RAMAC: variants seen among roughly 807,000 people sequenced by gnomAD.
The protein encoded by RAMAC is RNA guanine-7 methyltransferase activating subunit, also known as RNA guanine-N7 methyltransferase activating subunit.
A neutral mutation model predicts 17.9 loss-of-function variants in RAMAC; 11 were observed. The observed-to-expected ratio is 0.61, with a 90% confidence interval of 0.39 to 1.02. RAMAC has a LOEUF of 1.02. Ranked by LOEUF, RAMAC falls within the 50% of genes least tolerant of loss-of-function variation. RAMAC has a pLI of 0.01. For missense variants in RAMAC, 109 were observed against 144.0 expected (o/e 0.76, Z 1.25); for synonymous variants, 27 against 48.4 (o/e 0.56, Z 1.84).
intron 1 of RAMAC, 97 bp from the exon 2 acceptor site, chr15:82,987,239 C>T (rs770128803): frequency 6.6e-6 from 1 of 152,134 alleles, no homozygotes; most frequent in Non-Finnish European, 1.5e-5. Context: ...TACTCCAATT[C>T]TTTCCTTGAA....
In RAMAC at chr15:82,987,327, C is replaced by T. The variant is rs960618363; in HGVS notation, c.-58-9C>T. On this transcript the variant is annotated splice_polypyrimidine_tract_variant and intron_variant, in intron 1 of 3. Coordinates refer to ENST00000304191, the MANE Select transcript of RAMAC (RefSeq NM_031452.4). ...AAATAAAGTCAAGTTTGTTTTTTTC[C>T]TCCCACAGATTTAAACAACCTAAAC... 17 of 152,136 alleles carry T rather than the reference C, an allele frequency of 1.1e-4. No homozygotes were observed. The highest frequency in any genetic ancestry group is 1.1e-3 in the Admixed American group (17 of 15,274). The allele number at this position is 152,136 out of a possible 1,614,324, so 9.4% of individuals were successfully genotyped here. A position where few individuals can be genotyped will look rare whatever the true frequency, so the allele number is the denominator to read the frequency against.
At position 82,989,154 on chromosome 15, in the gene RAMAC, A is replaced by C. The variant is rs143249247; in HGVS notation, c.136A>C (p.Arg46=). ...SPPIVEEWNS[R]AGGNQRNRGN... Reference sequence around the variant, plus strand: ...TCCAATTGTTGAGGAATGGAATAGCAGAGCTGGTGGGAACCAAAGAAACAG... The same window carrying C: ...TCCAATTGTTGAGGAATGGAATAGCCGAGCTGGTGGGAACCAAAGAAACAG... The change falls in exon 3 of 4, where the codon AGA becomes CGA. Residue 46 remains arginine (R), a synonymous_variant. Coordinates refer to ENST00000304191, the MANE Select transcript of RAMAC (RefSeq NM_031452.4). 4 of 1,613,684 alleles carry C rather than the reference A, an allele frequency of 2.5e-6. No homozygotes were observed. The African/African-American group carries it at 4.0e-5, about 16-fold the overall frequency.
At position 82,990,790 on chromosome 15, in the gene RAMAC, A is replaced by C; in HGVS notation, c.*723A>C. ...AGCAGGTCAAAATTCACACATAAGA[A>C]AGTTTAACTCTGTACTGTTCACACT... is the stretch of plus-strand genomic sequence containing the variant. On this transcript the variant is annotated 3_prime_UTR_variant, in exon 4 of 4. Transcript: ENST00000304191. 1.4e-6 allele frequency: 1 copy of C among 700,902 alleles called. No homozygotes were observed. Among genetic ancestry groups the C allele is most frequent in the Non-Finnish European group, 2.5e-6 (1 of 401,180 alleles). 43.4% of individuals were successfully genotyped at this position (700,902 alleles called of 1,614,324 possible).
Position 82,990,807 on chromosome 15 carries a change from G to T in RAMAC, c.*740G>T. ...ACATAAGAAAGTTTAACTCTGTACT[G>T]TTCACACTTTTTAATCCTGTAAATA... On this transcript the variant is annotated 3_prime_UTR_variant, in exon 4 of 4. Transcript: ENST00000304191. 1.7e-6 allele frequency: 1 copy of T among 577,226 alleles called. No individual in the cohort carries two copies. The allele number at this position is 577,226 out of a possible 1,614,324, so 35.8% of individuals were successfully genotyped here.
chr15:82,988,890 C>G, intron 2 of RAMAC, 120 bp from the exon 3 acceptor site: 1 of 831,124 alleles, frequency 1.2e-6, no homozygotes. Flanking sequence ...TGTCTGAAAG[C>G]ACACAAAGAC....
intron 1 of RAMAC, among the ~76,000 whole-genome samples, chr15:82,986,797 T>G (rs553520501): frequency 1.3e-5 from 2 of 152,380 alleles, no homozygotes; most frequent in Admixed American, 6.5e-5. Context: ...ATACATACTT[T>G]ATGAAGTTTG....
Position 82,990,734 on chromosome 15 carries a change from T to C in RAMAC, c.*667T>C. 8.2e-7 allele frequency: 1 copy of C among 1,213,638 alleles called. No individual in the cohort carries two copies. Among genetic ancestry groups the C allele is most frequent in the Non-Finnish European group, 1.2e-6 (1 of 843,724 alleles). The allele number at this position is 1,213,638 out of a possible 1,614,324, so 75.2% of individuals were successfully genotyped here. A position where few individuals can be genotyped will look rare whatever the true frequency, so the allele number is the denominator to read the frequency against. ...TGGGATAAGGGTACACATCATTTTA[T>C]ACAAACACTAAAGCTTTTTGCTAAC... On this transcript the variant is annotated 3_prime_UTR_variant, in exon 4 of 4. Transcript: ENST00000304191.
chr15:82,987,511 G>A (rs2030666929), intron 2 of RAMAC, 127 bp downstream of exon 2: 1 of 152,178 alleles, frequency 6.6e-6, no homozygotes, highest in African/African-American at 2.4e-5. Flanking sequence ...TAAAAATGGA[G>A]TAGCACCTTT....
chr15:82,988,287 G>A (rs1006570751), intron 2 of RAMAC, among the ~76,000 whole-genome samples: 4 of 152,270 alleles, frequency 2.6e-5, no homozygotes, highest in African/African-American at 9.6e-5. Context: ...CTGAGATCGC[G>A]CCATTGCACT....
chr15:82,986,507 C>T (rs1363379967), intron 1 of RAMAC, 138 bp downstream of exon 1: 1 of 152,258 alleles, frequency 6.6e-6, no homozygotes, highest in Non-Finnish European at 1.5e-5. Flanking sequence ...CATAATTTCC[C>T]TCACTTCTGG....
rs760077888 is a variant in RAMAC, at chr15:82,989,133, A to G, written c.115A>G (p.Ile39Val). 1.6e-5 allele frequency: 26 copies of G among 1,613,880 alleles called. No homozygotes were observed. Among genetic ancestry groups the G allele is most frequent in the South Asian group, 1.3e-4 (12 of 91,060 alleles). Residue 39 changes from isoleucine to valine, a missense_variant, in exon 3 of 4, where the codon ATT becomes GTT. By Grantham distance (29) the Ile-to-Val change is conservative (BLOSUM62 3). Transcript: ENST00000304191. ...YLKRPPESPP[I>V]VEEWNSRAGG... ...GAAACGCCCTCCTGAGTCTCCTCCAATTGTTGAGGAATGGAATAGCAGAGC... is the reference window on the plus strand; with the variant it reads ...GAAACGCCCTCCTGAGTCTCCTCCAGTTGTTGAGGAATGGAATAGCAGAGC...
At chr15:82,986,974 C>G (rs28451607) in intron 1 of RAMAC, among the ~76,000 whole-genome samples, 32,461 of 151,800 alleles carry the variant, frequency 0.21, 3,903 homozygotes, top group East Asian at 0.57. Flanking sequence ...CGCTCTGTCG[C>G]CCAGGCTGGA....
Position 82,986,235 on chromosome 15 carries a change from G to T in RAMAC, c.-193G>T. 2 of 365,288 alleles carry T rather than the reference G, an allele frequency of 5.5e-6. No individual in the cohort carries two copies. Among genetic ancestry groups the T allele is most frequent in the Non-Finnish European group, 7.6e-6 (2 of 263,106 alleles). The allele number at this position is 365,288 out of a possible 1,614,324, so 22.6% of individuals were successfully genotyped here. ...AGGTGGTTGTCGGATTTTAGAGGAAGGCGCTCGGTTACATTGGAGAACTGG... is the reference window on the plus strand; with the variant it reads ...AGGTGGTTGTCGGATTTTAGAGGAATGCGCTCGGTTACATTGGAGAACTGG... On this transcript the variant is annotated 5_prime_UTR_variant, in exon 1 of 4. The change creates a new upstream start codon in the 5' untranslated region. Transcript: ENST00000304191.
Position 82,990,607 on chromosome 15 carries a change from A to G in RAMAC, c.*540A>G, listed in dbSNP as rs1280549761. On this transcript the variant is annotated 3_prime_UTR_variant, in exon 4 of 4. Transcript: ENST00000304191. ...TTTGTGATTCCTTAATCTATAGATG[A>G]GTCAGCTCCACACTTGAGTCTCTTT... The G allele has an allele frequency of 6.9e-7, 1 of 1,444,838 alleles. No homozygotes were observed. Among genetic ancestry groups the G allele is most frequent in the East Asian group, 2.5e-5 (1 of 40,080 alleles). The allele number at this position is 1,444,838 out of a possible 1,614,324, so 89.5% of individuals were successfully genotyped here.
At position 82,989,965 on chromosome 15, in the gene RAMAC, A is replaced by G; in HGVS notation, c.255A>G (p.Arg85=). The G allele has an allele frequency of 6.2e-7, 1 of 1,610,064 alleles. No homozygotes were observed. Among genetic ancestry groups the G allele is most frequent in the South Asian group, 1.1e-5 (1 of 90,748 alleles). Residue 85 remains arginine, a synonymous_variant, in exon 4 of 4, where the codon CGA becomes CGG. Coordinates refer to ENST00000304191, the MANE Select transcript of RAMAC (RefSeq NM_031452.4). ...SDNRSNQWHG[R]SWGNNYPQHR... ...ATCGATCCAATCAGTGGCATGGACGATCCTGGGGTAACAACTACCCGCAAC... is the reference window on the plus strand; with the variant it reads ...ATCGATCCAATCAGTGGCATGGACGGTCCTGGGGTAACAACTACCCGCAAC...
intron 2 of RAMAC, 107 bp from the exon 3 acceptor site, chr15:82,988,903 C>G: frequency 3.1e-6 from 3 of 955,892 alleles, no homozygotes; most frequent in Non-Finnish European, 4.6e-6. Flanking sequence ...ACAAAGACTT[C>G]CATGAATACC....
At chr15:82,989,739 C>CTA (rs2030778658) in intron 3 of RAMAC, 142 bp from the exon 4 acceptor site, 4 of 1,079,758 alleles carry the variant, frequency 3.7e-6, no homozygotes, top group Non-Finnish European at 5.2e-6. Context: ...ATAACTGGCA[C>CTA]TATAACATTC....
Position 82,988,797 on chromosome 15 carries a change from G to C in RAMAC, c.-9-213G>C, listed in dbSNP as rs1051703795. Reference sequence around the variant, plus strand: ...TGCAGTGACCCGAGGTTGTGCCGCTGTGCTCCAGCCTGGGTGACAAAGTGA... The same window carrying C: ...TGCAGTGACCCGAGGTTGTGCCGCTCTGCTCCAGCCTGGGTGACAAAGTGA... On this transcript the variant is annotated intron_variant, in intron 2 of 3. Coordinates refer to ENST00000304191, the MANE Select transcript of RAMAC (RefSeq NM_031452.4). 6.4e-5 allele frequency: 32 copies of C among 498,898 alleles called. No individual in the cohort carries two copies. In the East Asian group the frequency reaches 1.2e-3, roughly 19 times the overall value. 30.9% of individuals were successfully genotyped at this position (498,898 alleles called of 1,614,324 possible). A position where few individuals can be genotyped will look rare whatever the true frequency, so the allele number is the denominator to read the frequency against.
chr15:82,990,392 C>T lies in RAMAC; in HGVS notation c.*325C>T. On this transcript the variant is annotated 3_prime_UTR_variant, in exon 4 of 4. Transcript: ENST00000304191. Reference sequence around the variant, plus strand: ...AATAAAAATTTTAAAATAGAAAATGCTTTTACTTTGTAAGGTAAGAGAGTA... The same window carrying T: ...AATAAAAATTTTAAAATAGAAAATGTTTTTACTTTGTAAGGTAAGAGAGTA... The T allele has an allele frequency of 2.8e-6, 1 of 352,696 alleles. No homozygotes were observed. The allele number at this position is 352,696 out of a possible 1,614,324, so 21.8% of individuals were successfully genotyped here.
Sources: gnomAD v4.1 joint callset for allele counts (sites outside exome capture counted in the v4.1 genomes callset) on GRCh38, gnomAD v4.1.1 for gene constraint, MANE v1.5 for transcripts, NCBI Gene and HGNC (gene_info 2026-07-23, HGNC 2026-07-21) for gene names.